Variants in LUZP2 observed in about 807,000 individuals in gnomAD.
The protein encoded by LUZP2 is leucine zipper protein 2.
LUZP2 carries 52 observed loss-of-function variants against 51.6 expected under a neutral mutation model. The observed-to-expected ratio is 1.01, with a 90% CI of 0.81 to 1.27. LUZP2 has a LOEUF of 1.27. Among genes scored for constraint, LUZP2 ranks in the 50% most tolerant of loss-of-function variants. The pLI, the probability that LUZP2 is intolerant of heterozygous loss-of-function variation, is 0.00. For missense variants in LUZP2, 436 were observed against 395.4 expected (o/e 1.10, Z -0.87); for synonymous variants, 154 against 137.3 (o/e 1.12, Z -0.85).
chr11:24,795,541 A>G (rs1002741727), intron 5 of LUZP2, among the ~76,000 whole-genome samples: 1 of 152,158 alleles, frequency 6.6e-6, no homozygotes, highest in East Asian at 1.9e-4. Flanking sequence ...TACTGGGCTC[A>G]TTTCATGATT....
rs957384533 is a variant in LUZP2 at position 24,734,793 on chromosome 11, G to A, written c.251+2605G>A. ...TGGTTATCAAAAATACTGATTTATT[G>A]CAAATTTAAACATCTTCTCCGAGTT... On this transcript the variant is annotated intron_variant, in intron 3 of 11. Coordinates refer to ENST00000336930, the MANE Select transcript of LUZP2 (RefSeq NM_001009909.4). Among the ~76,000 whole-genome samples the A allele has an allele frequency of 7.9e-5, 12 of 151,978 alleles. No individual in the cohort carries two copies. In the East Asian group the frequency reaches 1.7e-3, roughly 22 times the overall value.
intron 1 of LUZP2, among the ~76,000 whole-genome samples, chr11:24,647,896 A>G (rs1410821133): frequency 6.6e-6 from 1 of 151,816 alleles, no homozygotes; most frequent in Non-Finnish European, 1.5e-5. Flanking sequence ...TATAGTACCT[A>G]CCATCCCTAC....
chr11:24,990,789 T>C (rs953358364), intron 9 of LUZP2, among the ~76,000 whole-genome samples: 2 of 151,960 alleles, frequency 1.3e-5, no homozygotes, highest in Non-Finnish European at 2.9e-5. Context: ...TTCAAATCCT[T>C]ACATAATTCT....
At chr11:24,708,722 C>T (rs544847106) in intron 1 of LUZP2, among the ~76,000 whole-genome samples, 1 of 152,124 alleles carries the variant, frequency 6.6e-6, no homozygotes, top group African/African-American at 2.4e-5. Context: ...CATATTTCTG[C>T]CAAGTTGCCA....
At chr11:24,860,237 G>T (rs894423982) in intron 5 of LUZP2, among the ~76,000 whole-genome samples, 1 of 152,162 alleles carries the variant, frequency 6.6e-6, no homozygotes, top group Non-Finnish European at 1.5e-5. Flanking sequence ...ACTGGGTGGG[G>T]CTTCCCTGCA....
intron 5 of LUZP2, among the ~76,000 whole-genome samples, chr11:24,884,955 T>G (rs1193755932): frequency 2.6e-5 from 4 of 152,096 alleles, no homozygotes; most frequent in Non-Finnish European, 5.9e-5. Flanking sequence ...TATCTTTAGC[T>G]ACATTTTTAA....
intron 5 of LUZP2, among the ~76,000 whole-genome samples, chr11:24,814,719 G>A (rs897084019): frequency 6.6e-6 from 1 of 152,164 alleles, no homozygotes; most frequent in Admixed American, 6.5e-5. Flanking sequence ...TGTGCCGGGA[G>A]CGGTAGCTCA....
intron 1 of LUZP2, among the ~76,000 whole-genome samples, chr11:24,525,057 C>G (rs1850757147): frequency 6.6e-6 from 1 of 151,614 alleles, no homozygotes. Flanking sequence ...ATGTTCAGGA[C>G]TATGATTCTC....
chr11:24,897,367 T>TTCTGCTCTTTC (rs1490571317), intron 5 of LUZP2, among the ~76,000 whole-genome samples: 2 of 152,210 alleles, frequency 1.3e-5, no homozygotes, highest in Non-Finnish European at 2.9e-5. Context: ...ATAAATCTTG[T>TTCTGCTCTTTC]TCTGCTCTTT....
intron 1 of LUZP2, among the ~76,000 whole-genome samples, chr11:24,711,801 G>T (rs1857837953): frequency 6.6e-6 from 1 of 151,844 alleles, no homozygotes; most frequent in Non-Finnish European, 1.5e-5. Context: ...TGTTAAATCA[G>T]TCTCTTTCAA....
At chr11:24,824,032 C>T (rs1324039708) in intron 5 of LUZP2, among the ~76,000 whole-genome samples, 1 of 151,198 alleles carries the variant, frequency 6.6e-6, no homozygotes, top group African/African-American at 2.4e-5. Context: ...CACTGCACTC[C>T]AGCCTGGGCG....
intron 5 of LUZP2, among the ~76,000 whole-genome samples, chr11:24,879,408 A>C (rs1233387663): frequency 1.3e-5 from 2 of 152,162 alleles, no homozygotes; most frequent in Non-Finnish European, 2.9e-5. Flanking sequence ...GAGTAGAATG[A>C]TTTATATTCA....
At chr11:24,508,420 G>T (rs1447082179) in intron 1 of LUZP2, among the ~76,000 whole-genome samples, 1 of 152,224 alleles carries the variant, frequency 6.6e-6, no homozygotes, top group South Asian at 2.1e-4. Context: ...TTTCTTTAAA[G>T]TTCTAACTAA....
At chr11:24,537,555 A>T (rs1009717653) in intron 1 of LUZP2, among the ~76,000 whole-genome samples, 1 of 151,966 alleles carries the variant, frequency 6.6e-6, no homozygotes, top group South Asian at 2.1e-4. Flanking sequence ...TAAAACACAT[A>T]TATATTCAAA....
rs543760494 is a variant in LUZP2, at chr11:24,561,994, A to T, written c.62+64689A>T. 3.3e-5 allele frequency among the ~76,000 whole-genome samples: 5 copies of T among 152,214 alleles called. No homozygotes were observed. The East Asian group carries it at 9.7e-4, about 29-fold the overall frequency. On this transcript the variant is annotated intron_variant, in intron 1 of 11. Transcript: ENST00000336930. ...AAAGTAGATGTTTTTTATATGAAAC[A>T]ATTTGAATTATGTGTGGCTGGAAAG...
At chr11:24,983,345 C>T (rs758998427) in intron 9 of LUZP2, 52 bp downstream of exon 9, 33 of 1,539,356 alleles carry the variant, frequency 2.1e-5, no homozygotes, top group Admixed American at 1.7e-4. Flanking sequence ...AATGTGTTGT[C>T]TTTAAAGCCC....
At chr11:24,670,374 T>G (rs1856364799) in intron 1 of LUZP2, among the ~76,000 whole-genome samples, 1 of 152,114 alleles carries the variant, frequency 6.6e-6, no homozygotes, top group African/African-American at 2.4e-5. Context: ...AATGTTGTCA[T>G]TCCCATTTTA....
chr11:24,593,936 C>T (rs2133847625), intron 1 of LUZP2, among the ~76,000 whole-genome samples: 1 of 152,224 alleles, frequency 6.6e-6, no homozygotes, highest in South Asian at 2.1e-4. Context: ...CCTGCCAAAC[C>T]ATGTATTACT....
chr11:25,078,327 A>T (rs911862532), intron 11 of LUZP2, among the ~76,000 whole-genome samples: 14 of 152,238 alleles, frequency 9.2e-5, no homozygotes, highest in Admixed American at 7.2e-4. Context: ...TTTTTTCAAA[A>T]TAGTTTTTGA....
Sources: allele counts gnomAD v4.1 joint callset (sites outside exome capture counted in the v4.1 genomes callset), GRCh38; gene constraint gnomAD v4.1.1; transcripts MANE v1.5; gene names NCBI Gene and HGNC (gene_info 2026-07-23, HGNC 2026-07-21).